The following ZC3H12B variants were observed in gnomAD, a reference collection of about 807,000 sequenced individuals.
The protein encoded by ZC3H12B is probable ribonuclease ZC3H12B.
ZC3H12B carries 7 observed loss-of-function variants against 43.9 expected under a neutral mutation model. That is an observed-to-expected ratio of 0.16 (90% confidence interval 0.09 to 0.30). The LOEUF (loss-of-function observed/expected upper bound fraction) is 0.30. ZC3H12B is among the 10% of genes least tolerant of loss of function. The pLI, the probability that ZC3H12B is intolerant of heterozygous loss-of-function variation, is 1.00. For missense variants in ZC3H12B, 475 were observed against 670.2 expected (o/e 0.71, Z 3.22); for synonymous variants, 222 against 241.7 (o/e 0.92, Z 0.76).
the ZC3H12B span, among the ~76,000 whole-genome samples, chrX:65,263,493 C>T: frequency 9.1e-6 from 1 of 110,336 alleles, no homozygotes; most frequent in Non-Finnish European, 1.9e-5. Context: ...ATTAATGGAA[C>T]CATGGTTACA....
chrX:65,229,225 C>T, the ZC3H12B span, among the ~76,000 whole-genome samples: 1 of 110,847 alleles, frequency 9.0e-6, no homozygotes, highest in African/African-American at 3.3e-5. Context: ...TCAGAAATAA[C>T]ACCTCATATC....
At chrX:65,075,895 G>A in the ZC3H12B span, among the ~76,000 whole-genome samples, 428 of 111,806 alleles carry the variant, frequency 3.8e-3, 4 homozygotes, top group African/African-American at 0.013. Flanking sequence ...GCTAAGCTGG[G>A]CAGAGAGACC....
the ZC3H12B span, among the ~76,000 whole-genome samples, chrX:65,229,580 C>T: frequency 1.3e-3 from 142 of 110,244 alleles, no homozygotes; most frequent in African/African-American, 4.3e-3. Flanking sequence ...AAGAAACTTC[C>T]GTCAGAGTGA....
the ZC3H12B span, among the ~76,000 whole-genome samples, chrX:65,127,474 G>T: frequency 4.5e-5 from 5 of 111,200 alleles, no homozygotes; most frequent in Non-Finnish European, 9.5e-5. Flanking sequence ...TTTTGTGTTG[G>T]TTGACCTCCA....
the ZC3H12B span, among the ~76,000 whole-genome samples, chrX:65,217,615 A>C: frequency 8.9e-6 from 1 of 112,495 alleles, no homozygotes; most frequent in Admixed American, 9.5e-5. Context: ...AAAGATATTA[A>C]AATAATTTTA....
chrX:65,279,879 AAAAC>A, the ZC3H12B span, among the ~76,000 whole-genome samples: 4 of 112,274 alleles, frequency 3.6e-5, no homozygotes, highest in African/African-American at 1.3e-4. Flanking sequence ...TTACAAGAGA[AAAAC>A]AAACAACCCC....
chrX:65,475,648 T>C (rs2067982731), intron 3 of ZC3H12B, among the ~76,000 whole-genome samples: 1 of 111,873 alleles, frequency 8.9e-6, no homozygotes, highest in Admixed American at 9.5e-5. Flanking sequence ...CAAGACTGGG[T>C]AATTTATATA....
the ZC3H12B span, among the ~76,000 whole-genome samples, chrX:65,167,487 G>T: frequency 1.8e-5 from 2 of 111,767 alleles, no homozygotes; most frequent in African/African-American, 3.2e-5. Context: ...GATGCCTCCA[G>T]CTTTGTTCTT....
the ZC3H12B span, among the ~76,000 whole-genome samples, chrX:65,255,200 A>G: frequency 1.8e-5 from 2 of 111,391 alleles, no homozygotes; most frequent in Non-Finnish European, 3.8e-5. Context: ...TTGGAAATGG[A>G]GAAAACCCCT....
At chrX:65,274,964 C>G in the ZC3H12B span, among the ~76,000 whole-genome samples, 1 of 112,046 alleles carries the variant, frequency 8.9e-6, no homozygotes, top group Non-Finnish European at 1.9e-5. Flanking sequence ...TTGGGCCATC[C>G]CTGGTAGACA....
chrX:65,173,774 G>A, the ZC3H12B span, among the ~76,000 whole-genome samples: 6 of 111,716 alleles, frequency 5.4e-5, no homozygotes, highest in South Asian at 1.5e-3. Flanking sequence ...GATGAAGCCA[G>A]CTTGATTGTG....
chrX:65,081,031 T>G, the ZC3H12B span, among the ~76,000 whole-genome samples: 1 of 110,235 alleles, frequency 9.1e-6, no homozygotes, highest in Non-Finnish European at 1.9e-5. Context: ...TCTGCTTTTT[T>G]TTAATGCAAA....
At chrX:65,211,080 AAAAG>A in the ZC3H12B span, among the ~76,000 whole-genome samples, 126 of 83,606 alleles carry the variant, frequency 1.5e-3, no homozygotes, top group Non-Finnish European at 2.0e-3. Context: ...TAAAAAAAAA[AAAAG>A]AAAGAAAAAA....
At chrX:65,246,985 G>T in the ZC3H12B span, among the ~76,000 whole-genome samples, 1 of 112,396 alleles carries the variant, frequency 8.9e-6, no homozygotes, top group African/African-American at 3.2e-5. Context: ...CAGAATGGGA[G>T]AAAATGTTTG....
chrX:65,161,980 A>T, the ZC3H12B span, among the ~76,000 whole-genome samples: 1 of 111,641 alleles, frequency 9.0e-6, no homozygotes, highest in Non-Finnish European at 1.9e-5. Context: ...AAAATCTCTC[A>T]GCATTTACTT....
chrX:65,189,854 G>T, the ZC3H12B span, among the ~76,000 whole-genome samples: 1 of 109,454 alleles, frequency 9.1e-6, no homozygotes, highest in Non-Finnish European at 1.9e-5. Flanking sequence ...TTGGTGTTTT[G>T]GACATGAAGT....
chrX:65,475,780 C>T lies in ZC3H12B; in HGVS notation n.408-12866C>T, dbSNP rs1043431564. 8.1e-5 allele frequency among the ~76,000 whole-genome samples: 9 copies of T among 111,768 alleles called. No homozygotes were observed. In the East Asian group the frequency reaches 1.1e-3, roughly 14 times the overall value. The stretch of plus-strand genomic sequence containing the variant: ...GCAAGAGGGTATGTGCAGGGGAACT[C>T]CCCTTTACAAAACCATCAGATCTCC... On this transcript the variant is annotated intron_variant and non_coding_transcript_variant, in intron 3 of 5. Coordinates refer to the ZC3H12B transcript ENST00000617377.
the ZC3H12B span, among the ~76,000 whole-genome samples, chrX:65,159,355 G>C: frequency 9.0e-6 from 1 of 111,441 alleles, no homozygotes; most frequent in Non-Finnish European, 1.9e-5. Flanking sequence ...AAATTACCTT[G>C]GGCAGTATGG....
the ZC3H12B span, among the ~76,000 whole-genome samples, chrX:65,235,738 G>T: frequency 8.9e-6 from 1 of 111,897 alleles, no homozygotes; most frequent in Non-Finnish European, 1.9e-5. Context: ...TGCTTCAAGG[G>T]GTGTTACAGC....
Sources: gnomAD v4.1 joint callset for allele counts (sites outside exome capture counted in the v4.1 genomes callset) on GRCh38, gnomAD v4.1.1 for gene constraint, MANE v1.5 for transcripts, NCBI Gene and HGNC (gene_info 2026-07-23, HGNC 2026-07-21) for gene names.